PTPRD: variants seen among roughly 807,000 people sequenced by gnomAD.
The protein encoded by PTPRD is protein tyrosine phosphatase receptor type D.
A neutral mutation model predicts 214.5 loss-of-function variants in PTPRD; 34 were observed. The observed-to-expected ratio is 0.16, with a 90% confidence interval of 0.12 to 0.21. The LOEUF (loss-of-function observed/expected upper bound fraction) is 0.21, where lower values mean the gene tolerates loss of function less well. PTPRD is among the 10% of genes least tolerant of loss of function. PTPRD has a pLI of 1.00. For synonymous variants in PTPRD, 1,128 were observed against 845.7 expected, an observed-to-expected ratio of 1.33 and a Z score of -5.79; for missense variants, 2,545 against 2,398.7, an observed-to-expected ratio of 1.06 and a Z score of -1.27.
chr9:9,650,438 A>T (rs2096306831), intron 7 of PTPRD, among the ~76,000 whole-genome samples: 1 of 152,160 alleles, frequency 6.6e-6, no homozygotes, highest in African/African-American at 2.4e-5. Flanking sequence ...AAGCTTTTAG[A>T]TGTGGTACTA....
rs147744454 is a variant in PTPRD, at chr9:8,695,341, C to T, written c.64+38439G>A. 5.5e-4 allele frequency among the ~76,000 whole-genome samples: 84 copies of T among 152,244 alleles called. 1 individual carries two copies. In the East Asian group the frequency reaches 0.016, roughly 28 times the overall value. On this transcript the variant is annotated intron_variant, in intron 12 of 45. Coordinates refer to ENST00000381196, the MANE Select transcript of PTPRD (RefSeq NM_002839.4). ...ATCACTTAGCAGGAAACTGAGACCA[C>T]TTCACTTTTTTCAACCAGTAAGATT...
At chr9:9,078,034 A>G (rs539601219) in intron 10 of PTPRD, among the ~76,000 whole-genome samples, 1 of 152,166 alleles carries the variant, frequency 6.6e-6, no homozygotes, top group African/African-American at 2.4e-5. Context: ...CTATACAGAT[A>G]TTTTCAAGGG....
At chr9:10,525,852 G>A (rs1206846044) in intron 2 of PTPRD, among the ~76,000 whole-genome samples, 1 of 151,354 alleles carries the variant, frequency 6.6e-6, no homozygotes, top group Admixed American at 6.6e-5. Context: ...TTTGTTCTTC[G>A]CCCACTTAAC....
intron 4 of PTPRD, among the ~76,000 whole-genome samples, chr9:9,955,896 GT>G (rs1252182844): frequency 1.3e-5 from 2 of 152,036 alleles, no homozygotes; most frequent in Non-Finnish European, 2.9e-5. Flanking sequence ...GTAACTACAT[GT>G]TCCTGAAACA....
intron 7 of PTPRD, among the ~76,000 whole-genome samples, chr9:9,585,434 T>A (rs552142658): frequency 1.2e-4 from 18 of 152,258 alleles, no homozygotes; most frequent in Admixed American, 3.3e-4. Flanking sequence ...TAGACCTGAA[T>A]GTATTTCTGG....
chr9:9,406,991 G>C (rs1390637613), intron 8 of PTPRD, among the ~76,000 whole-genome samples: 1 of 151,612 alleles, frequency 6.6e-6, no homozygotes, highest in Non-Finnish European at 1.5e-5. Flanking sequence ...GTGAAAATTA[G>C]TAAATTACTT....
At chr9:8,763,765 C>T (rs946288301) in intron 11 of PTPRD, among the ~76,000 whole-genome samples, 1 of 151,426 alleles carries the variant, frequency 6.6e-6, no homozygotes, top group South Asian at 2.1e-4. Flanking sequence ...TCATAAGTTA[C>T]CCCTCTCTTA....
chr9:8,463,542 T>C (rs949682917), intron 32 of PTPRD, among the ~76,000 whole-genome samples: 38 of 151,902 alleles, frequency 2.5e-4, no homozygotes, highest in Non-Finnish European at 5.0e-4. Flanking sequence ...TCACGGTCCA[T>C]TGAGATGGAA....
chr9:9,517,384 T>C (rs1403187465), intron 8 of PTPRD, among the ~76,000 whole-genome samples: 1 of 152,084 alleles, frequency 6.6e-6, no homozygotes, highest in Non-Finnish European at 1.5e-5. Flanking sequence ...GATGAGGTAA[T>C]GTGACATAGA....
chr9:9,544,225 CTAT>C (rs2078242212), intron 8 of PTPRD, among the ~76,000 whole-genome samples: 1 of 151,506 alleles, frequency 6.6e-6, no homozygotes, highest in Non-Finnish European at 1.5e-5. Context: ...AAAAATTGTA[CTAT>C]AAGAACCAAA....
chr9:9,706,014 T>A (rs528696338), intron 7 of PTPRD, among the ~76,000 whole-genome samples: 1 of 152,272 alleles, frequency 6.6e-6, no homozygotes, highest in African/African-American at 2.4e-5. Flanking sequence ...AAAATGGACA[T>A]GATAATATCT....
At chr9:10,060,116 G>A (rs1371909918) in intron 3 of PTPRD, among the ~76,000 whole-genome samples, 1 of 151,986 alleles carries the variant, frequency 6.6e-6, no homozygotes, top group Admixed American at 6.6e-5. Context: ...TAATGTGTTT[G>A]CTAAAATAGC....
At chr9:8,885,791 C>T (rs2098482804) in intron 11 of PTPRD, among the ~76,000 whole-genome samples, 1 of 152,062 alleles carries the variant, frequency 6.6e-6, no homozygotes, top group Non-Finnish European at 1.5e-5. Context: ...CCCACCGTGC[C>T]CGGCCTGCCT....
At chr9:9,743,674 A>C (rs901385114) in intron 6 of PTPRD, among the ~76,000 whole-genome samples, 5 of 150,572 alleles carry the variant, frequency 3.3e-5, no homozygotes, top group African/African-American at 9.8e-5. Context: ...AAATGAAAAC[A>C]CTCCTTTGGC....
chr9:9,668,213 C>T (rs927623795), intron 7 of PTPRD, among the ~76,000 whole-genome samples: 3 of 152,066 alleles, frequency 2.0e-5, no homozygotes, highest in African/African-American at 7.2e-5. Context: ...ACCGATAAAA[C>T]GAAATCATTC....
chr9:9,839,315 C>A (rs1308915276), intron 5 of PTPRD, among the ~76,000 whole-genome samples: 7 of 152,012 alleles, frequency 4.6e-5, no homozygotes, highest in Admixed American at 3.3e-4. Context: ...ATTGTCTCAG[C>A]CCAAAATCTC....
At chr9:9,807,300 T>A (rs2045764016) in intron 5 of PTPRD, among the ~76,000 whole-genome samples, 3 of 152,122 alleles carry the variant, frequency 2.0e-5, no homozygotes, top group African/African-American at 7.2e-5. Context: ...AAATACACAT[T>A]TTCTATTCCC....
At chr9:10,209,504 C>A (rs1156873838) in intron 3 of PTPRD, among the ~76,000 whole-genome samples, 1 of 152,088 alleles carries the variant, frequency 6.6e-6, no homozygotes, top group Non-Finnish European at 1.5e-5. Context: ...TCCCAGCCCC[C>A]CACTGCCCCT....
chr9:9,938,253 C>T (rs1239518131), intron 5 of PTPRD, among the ~76,000 whole-genome samples: 1 of 152,080 alleles, frequency 6.6e-6, no homozygotes, highest in African/African-American at 2.4e-5. Context: ...TATTTTGATC[C>T]TCAGTTCAGA....
Sources: gnomAD v4.1 joint callset for allele counts (sites outside exome capture counted in the v4.1 genomes callset) on GRCh38, gnomAD v4.1.1 for gene constraint, MANE v1.5 for transcripts, NCBI Gene and HGNC (gene_info 2026-07-23, HGNC 2026-07-21) for gene names.